Variants in TACC1 observed in about 807,000 individuals in gnomAD.
TACC1 encodes transforming acidic coiled-coil containing protein 1, also known as transforming acidic coiled-coil-containing protein 1.
TACC1 carries 48 observed loss-of-function variants against 84.4 expected under a neutral mutation model. The observed-to-expected ratio is 0.57, with a 90% CI of 0.45 to 0.72. TACC1 has a LOEUF of 0.72. Ranked by LOEUF, TACC1 falls within the 30% of genes least tolerant of loss-of-function variation. TACC1 has a pLI of 0.00. For synonymous variants in TACC1, 372 were observed against 376.3 expected (o/e 0.99, Z 0.13); for missense variants, 920 against 973.0 (o/e 0.95, Z 0.72).
intron 1 of TACC1, among the ~76,000 whole-genome samples, chr8:38,738,588 C>A (rs1225866398): frequency 6.6e-6 from 1 of 151,694 alleles, no homozygotes; most frequent in Non-Finnish European, 1.5e-5. Flanking sequence ...CCATTGAGCG[C>A]TCTCTCATTT....
At chr8:38,800,196 C>T (rs1371453768) in intron 2 of TACC1, among the ~76,000 whole-genome samples, 1 of 152,204 alleles carries the variant, frequency 6.6e-6, no homozygotes, top group East Asian at 1.9e-4. Flanking sequence ...ACAGGACATT[C>T]CTCCTGCTCC....
chr8:38,837,260 A>AAG (rs1830414857), intron 7 of TACC1, among the ~76,000 whole-genome samples: 1 of 151,230 alleles, frequency 6.6e-6, no homozygotes, highest in Admixed American at 6.6e-5. Flanking sequence ...ACTAAAAAAA[A>AAG]AAAAAATACA....
intron 2 of TACC1, chr8:38,744,028 C>T (rs1004725155): frequency 4.6e-5 from 7 of 152,144 alleles, no homozygotes; most frequent in East Asian, 1.9e-4. Context: ...ACGACTGGTC[C>T]GAAGGTAGTG....
At chr8:38,761,909 A>T (rs754966750) in intron 3 of TACC1, among the ~76,000 whole-genome samples, 1 of 152,210 alleles carries the variant, frequency 6.6e-6, no homozygotes, top group Non-Finnish European at 1.5e-5. Context: ...ACATGTGGAA[A>T]TATGTAATTT....
chr8:38,751,680 A>G (rs1282944279), intron 3 of TACC1, among the ~76,000 whole-genome samples: 2 of 152,198 alleles, frequency 1.3e-5, no homozygotes, highest in African/African-American at 4.8e-5. Context: ...ACATAATGCT[A>G]TTGCACACTT....
intron 3 of TACC1, among the ~76,000 whole-genome samples, chr8:38,770,846 A>G (rs1813469685): frequency 6.6e-6 from 1 of 151,878 alleles, no homozygotes; most frequent in Admixed American, 6.6e-5. Flanking sequence ...GTGGAGGGAG[A>G]GTGAATTCTG....
Position 38,844,701 on chromosome 8 carries a change from C to T in TACC1, c.2228+1306C>T, listed in dbSNP as rs189968367. 1.5e-3 allele frequency among the ~76,000 whole-genome samples: 229 copies of T among 152,150 alleles called. 1 individual carries two copies. Among genetic ancestry groups the T allele is most frequent in the African/African-American group, 5.3e-3 (218 of 41,510 alleles). Reference sequence around the variant, plus strand: ...AAGTTTATCATTTGTCTTTTGCGTCCACCTATAGTGTTTTTTGATATTCAG... The same window carrying T: ...AAGTTTATCATTTGTCTTTTGCGTCTACCTATAGTGTTTTTTGATATTCAG... On this transcript the variant is annotated intron_variant, in intron 11 of 12. Transcript: ENST00000317827.
At chr8:38,805,882 G>T (rs1198742484) in intron 2 of TACC1, among the ~76,000 whole-genome samples, 1 of 152,164 alleles carries the variant, frequency 6.6e-6, no homozygotes, top group Non-Finnish European at 1.5e-5. Context: ...CATTAGTGCT[G>T]AGCCTTCCAA....
Position 38,787,747 on chromosome 8 carries a change from A to G in TACC1, c.161+4A>G. ...AGACCAAATCCTTGAGTTTCAGGCA[A>G]GTACACGGCGTCCCCGCTGAGATGC... On this transcript the variant is annotated splice_donor_region_variant and intron_variant, in intron 1 of 12. Coordinates refer to ENST00000317827, the MANE Select transcript of TACC1 (RefSeq NM_006283.3). 6.5e-7 allele frequency: 1 copy of G among 1,529,226 alleles called. No individual in the cohort carries two copies. Among genetic ancestry groups the G allele is most frequent in the Non-Finnish European group, 8.7e-7 (1 of 1,146,696 alleles). The allele number at this position is 1,529,226 out of a possible 1,614,324, so 94.7% of individuals were successfully genotyped here.
chr8:38,836,371 G>A (rs1319822593), intron 7 of TACC1, 84 bp downstream of exon 7: 4 of 1,550,184 alleles, frequency 2.6e-6, no homozygotes, highest in Non-Finnish European at 3.5e-6. Flanking sequence ...ATCTCTGCTG[G>A]CTCAAGTTAT....
intron 5 of TACC1, 145 bp from the exon 6 acceptor site, chr8:38,830,980 A>G: frequency 2.9e-6 from 2 of 686,012 alleles, no homozygotes; most frequent in Non-Finnish European, 5.0e-6. Flanking sequence ...ACAAAATGCC[A>G]GCGCTCCTTT....
chr8:38,751,231 T>C (rs1808981713), intron 3 of TACC1, among the ~76,000 whole-genome samples: 1 of 152,228 alleles, frequency 6.6e-6, no homozygotes, highest in Non-Finnish European at 1.5e-5. Flanking sequence ...ATAAGGTTTG[T>C]AATCAAGACA....
intron 3 of TACC1, among the ~76,000 whole-genome samples, chr8:38,764,068 T>A (rs187556709): frequency 6.6e-6 from 1 of 152,230 alleles, no homozygotes; most frequent in Non-Finnish European, 1.5e-5. Context: ...TGACAGTGAC[T>A]GCTCAGCATC....
At chr8:38,764,542 T>G (rs79502983) in intron 3 of TACC1, among the ~76,000 whole-genome samples, 8,046 of 152,282 alleles carry the variant, frequency 0.053, 418 homozygotes, top group East Asian at 0.26. Context: ...AATTCCTTAA[T>G]TTCTTGTTAT....
intron 3 of TACC1, chr8:38,757,157 T>C (rs950201491): frequency 2.1e-5 from 17 of 803,024 alleles, no homozygotes; most frequent in Non-Finnish European, 2.6e-5. Context: ...TGGCGGCATC[T>C]GAAGCCACCT....
chr8:38,808,858 A>AG (rs1171913810), intron 2 of TACC1, among the ~76,000 whole-genome samples: 1 of 151,954 alleles, frequency 6.6e-6, no homozygotes, highest in African/African-American at 2.4e-5. Flanking sequence ...TTTTATTCTC[A>AG]GGGCTCCCCA....
chr8:38,770,085 A>G (rs11781576), intron 3 of TACC1, among the ~76,000 whole-genome samples: 44,051 of 151,468 alleles, frequency 0.29, 7,167 homozygotes, highest in African/African-American at 0.42. Flanking sequence ...TGGCGTGTGT[A>G]TGTGAACATG....
chr8:38,746,833 TTAAAA>T (rs1405450827), intron 3 of TACC1, among the ~76,000 whole-genome samples: 1 of 152,020 alleles, frequency 6.6e-6, no homozygotes, highest in Non-Finnish European at 1.5e-5. Flanking sequence ...ATCAGGAAAA[TTAAAA>T]TAGAATATAT....
At chr8:38,754,049 G>T (rs1809558959) in intron 3 of TACC1, among the ~76,000 whole-genome samples, 2 of 151,244 alleles carry the variant, frequency 1.3e-5, no homozygotes, top group South Asian at 4.2e-4. Context: ...TGCCTCCCGG[G>T]TTCAAGCGAT....
Sources: gnomAD v4.1 joint callset for allele counts (sites outside exome capture counted in the v4.1 genomes callset) on GRCh38, gnomAD v4.1.1 for gene constraint, MANE v1.5 for transcripts, NCBI Gene and HGNC (gene_info 2026-07-23, HGNC 2026-07-21) for gene names.